FARS2: variants seen among roughly 807,000 people sequenced by gnomAD.
FARS2 encodes the protein phenylalanyl-tRNA synthetase 2, mitochondrial.
Under a neutral mutation model 46.4 loss-of-function variants are expected in FARS2, and 40 were observed. That is an observed-to-expected ratio of 0.86 (90% CI 0.67 to 1.12). FARS2 has a LOEUF of 1.12. Among genes scored for constraint, FARS2 ranks in the 50% most tolerant of loss-of-function variants. FARS2 has a pLI of 0.00. For synonymous variants in FARS2, 234 were observed against 214.9 expected, an observed-to-expected ratio of 1.09 and a Z score of -0.78; for missense variants, 513 against 567.9, an observed-to-expected ratio of 0.90 and a Z score of 0.98.
chr6:5,604,804 G>A (rs571712573), intron 5 of FARS2, among the ~76,000 whole-genome samples: 12 of 152,162 alleles, frequency 7.9e-5, no homozygotes, highest in Admixed American at 2.0e-4. Context: ...TAAGTCGGTC[G>A]TCTCAGCTGT....
intron 6 of FARS2, among the ~76,000 whole-genome samples, chr6:5,642,144 ATG>A (rs1051264866): frequency 6.6e-5 from 10 of 152,172 alleles, no homozygotes; most frequent in East Asian, 5.8e-4. Context: ...GTGTGTCTGT[ATG>A]TGTGTGTGTA....
intron 4 of FARS2, among the ~76,000 whole-genome samples, chr6:5,522,330 G>A (rs1489382226): frequency 6.6e-6 from 1 of 152,216 alleles, no homozygotes; most frequent in Admixed American, 6.5e-5. Flanking sequence ...GCCCCAGTCT[G>A]TCTGCAAGGG....
chr6:5,555,821 G>A (rs966331923), intron 5 of FARS2, among the ~76,000 whole-genome samples: 7 of 152,230 alleles, frequency 4.6e-5, no homozygotes, highest in Admixed American at 3.3e-4. Context: ...GAAGAAATGT[G>A]AAAGATGACC....
intron 6 of FARS2, among the ~76,000 whole-genome samples, chr6:5,619,979 G>T (rs1360461274): frequency 6.6e-6 from 1 of 152,014 alleles, no homozygotes; most frequent in East Asian, 1.9e-4. Context: ...TCCCAATCAT[G>T]ACTGTTTTCC....
At chr6:5,355,603 C>T (rs543967857) in intron 1 of FARS2, among the ~76,000 whole-genome samples, 14 of 151,870 alleles carry the variant, frequency 9.2e-5, no homozygotes, top group South Asian at 6.3e-4. Context: ...GTGATCCGTA[C>T]GCCTCGGCCT....
intron 6 of FARS2, among the ~76,000 whole-genome samples, chr6:5,643,755 C>T (rs190133040): frequency 1.3e-4 from 20 of 152,210 alleles, no homozygotes; most frequent in Admixed American, 4.6e-4. Flanking sequence ...CCACAGTCTA[C>T]CAGCCTGAGC....
chr6:5,255,173 C>T, the FARS2 span, among the ~76,000 whole-genome samples: 1 of 152,154 alleles, frequency 6.6e-6, no homozygotes, highest in African/African-American at 2.4e-5. Context: ...AGTAGTTAGC[C>T]AAGGGACCAT....
At chr6:5,713,506 C>T (rs867927131) in intron 6 of FARS2, among the ~76,000 whole-genome samples, 3 of 152,226 alleles carry the variant, frequency 2.0e-5, no homozygotes, top group Admixed American at 6.5e-5. Flanking sequence ...GAGACGTTGA[C>T]GCTTAGGAAA....
intron 6 of FARS2, among the ~76,000 whole-genome samples, chr6:5,678,533 G>A (rs980961598): frequency 4.3e-4 from 66 of 152,270 alleles, no homozygotes; most frequent in African/African-American, 1.4e-3. Context: ...TCAGTGCTGC[G>A]CCCTCAACCA....
Position 5,545,206 on chromosome 6 carries a change from G to A in FARS2, c.931G>A (p.Ala311Thr). Residue 311 changes from alanine (A) to threonine (T), a missense_variant, in exon 5 of 7, where the codon GCT becomes ACT. By Grantham distance (58) the Ala-to-Thr change is moderately conservative. Coordinates refer to ENST00000274680, the MANE Select transcript of FARS2 (RefSeq NM_006567.5). ...TGGTGCTCAAGACCGAATCGGCTGG[G>A]CTTTTGGCCTAGGATTAGAAAGGCT... ...SAGAQDRIGW[A>T]FGLGLERLAM... 6.2e-7 allele frequency: 1 copy of A among 1,613,912 alleles called. No individual in the cohort carries two copies.
intron 3 of FARS2, among the ~76,000 whole-genome samples, chr6:5,409,089 A>G (rs1007782326): frequency 2.0e-5 from 3 of 152,192 alleles, no homozygotes; most frequent in Admixed American, 6.5e-5. Context: ...AATTTATGCA[A>G]TATATGACTT....
At chr6:5,414,330 A>T (rs1419386556) in intron 3 of FARS2, among the ~76,000 whole-genome samples, 2 of 152,184 alleles carry the variant, frequency 1.3e-5, no homozygotes, top group Non-Finnish European at 2.9e-5. Context: ...TACACACACT[A>T]AACCATCACC....
intron 1 of FARS2, among the ~76,000 whole-genome samples, chr6:5,330,475 G>T (rs1770724130): frequency 6.6e-6 from 1 of 152,118 alleles, no homozygotes; most frequent in South Asian, 2.1e-4. Context: ...GGAACATTGA[G>T]GATACTGTGT....
chr6:5,754,553 T>C lies in FARS2; in HGVS notation c.1218-16738T>C, dbSNP rs186910207. Among the ~76,000 whole-genome samples, 81 of 152,396 alleles carry C rather than the reference T, an allele frequency of 5.3e-4. 1 individual carries two copies. The highest frequency in any genetic ancestry group is 1.7e-3 in the African/African-American group (72 of 41,594). ...TAGCTTCTCACATCCACTTCCTTTA[T>C]GAGTTCATTTTCCTTTTTCCTGAAA... On this transcript the variant is annotated intron_variant, in intron 6 of 6. Coordinates refer to ENST00000274680, the MANE Select transcript of FARS2 (RefSeq NM_006567.5).
At chr6:5,620,938 T>A (rs1775741166) in intron 6 of FARS2, among the ~76,000 whole-genome samples, 1 of 152,260 alleles carries the variant, frequency 6.6e-6, no homozygotes, top group Admixed American at 6.5e-5. Context: ...ATTTTCTCTT[T>A]CACCTGAACT....
chr6:5,522,407 C>T (rs796115882), intron 4 of FARS2, among the ~76,000 whole-genome samples: 3 of 152,246 alleles, frequency 2.0e-5, no homozygotes, highest in African/African-American at 7.2e-5. Flanking sequence ...AGCATCTTCT[C>T]TCATGTAGGT....
chr6:5,726,074 T>G (rs1279330808), intron 6 of FARS2, among the ~76,000 whole-genome samples: 3 of 152,196 alleles, frequency 2.0e-5, no homozygotes, highest in Non-Finnish European at 4.4e-5. Flanking sequence ...GGCCTGACTT[T>G]AAAAGACTAG....
chr6:5,755,373 T>A (rs1351331383), intron 6 of FARS2, among the ~76,000 whole-genome samples: 4 of 152,006 alleles, frequency 2.6e-5, no homozygotes, highest in Admixed American at 2.6e-4. Flanking sequence ...TGGTATGTGA[T>A]GTTCCCCTCC....
chr6:5,625,368 G>A (rs544545727), intron 6 of FARS2, among the ~76,000 whole-genome samples: 1 of 152,184 alleles, frequency 6.6e-6, no homozygotes, highest in Non-Finnish European at 1.5e-5. Flanking sequence ...TGACACAGGG[G>A]TGCAGGCTGA....
Sources: gnomAD v4.1 joint callset for allele counts (sites outside exome capture counted in the v4.1 genomes callset) on GRCh38, gnomAD v4.1.1 for gene constraint, MANE v1.5 for transcripts, NCBI Gene and HGNC (gene_info 2026-07-23, HGNC 2026-07-21) for gene names.